ASS1: variants seen among roughly 807,000 people sequenced by gnomAD.
The protein encoded by ASS1 is argininosuccinate synthase 1, also known as argininosuccinate synthase.
A neutral mutation model predicts 60.5 loss-of-function variants in ASS1; 58 were observed. The ratio of observed to expected loss-of-function variants is 0.96; its 90% confidence interval spans 0.78 to 1.19. The LOEUF (loss-of-function observed/expected upper bound fraction) is 1.19. Among genes scored for constraint, ASS1 ranks in the 50% most tolerant of loss-of-function variants. The probability of loss-of-function intolerance (pLI) is 0.00; values close to 1 mark genes in which losing one functional copy is unlikely to be tolerated. For missense variants in ASS1, 454 were observed against 547.3 expected, an observed-to-expected ratio of 0.83 and a Z score of 1.70; for synonymous variants, 200 against 206.9, an observed-to-expected ratio of 0.97 and a Z score of 0.29.
In ASS1 at chr9:130,494,698, G is replaced by T. The variant is rs1356550166; in HGVS notation, c.971-169G>T. 6.6e-6 allele frequency among the ~76,000 whole-genome samples: 1 copy of T among 152,246 alleles called. No individual in the cohort carries two copies. Among genetic ancestry groups the T allele is most frequent in the South Asian group, 2.1e-4 (1 of 4,834 alleles). The stretch of plus-strand genomic sequence containing the variant: ...TTAGAGGGCAGGGCTATGAAAGCAT[G>T]GTCCTCAACTCAGCCACTGGCAAGC... On this transcript the variant is annotated intron_variant, in intron 12 of 14. Coordinates refer to ENST00000352480, the MANE Select transcript of ASS1 (RefSeq NM_054012.4). This position sits in a 1 kb window ranked among gnomAD's most constrained non-coding sequence, Gnocchi z 4.3.
At chr9:130,446,578 G>GTC (rs1456157946) in intron 1 of ASS1, among the ~76,000 whole-genome samples, 1 of 152,238 alleles carries the variant, frequency 6.6e-6, no homozygotes, top group Admixed American at 6.5e-5. Context: ...GGGCAGACAC[G>GTC]TCGTGAGAGG....
intron 7 of ASS1, 71 bp from the exon 8 acceptor site, chr9:130,471,414 G>T: frequency 6.4e-7 from 1 of 1,559,924 alleles, no homozygotes; most frequent in South Asian, 1.1e-5. Context: ...ACAATGGGGT[G>T]TGTGTGTTGG....
rs921844509 is a variant in ASS1, at chr9:130,476,636, G to GAT, written c.598-234_598-233dup. 5 of 596,084 alleles carry GAT rather than the reference G, an allele frequency of 8.4e-6. No homozygotes were observed. Among genetic ancestry groups the GAT allele is most frequent in the Middle Eastern group, 4.5e-4 (1 of 2,238 alleles). 36.9% of individuals were successfully genotyped at this position (596,084 alleles called of 1,614,324 possible). On this transcript the variant is annotated intron_variant, in intron 8 of 14. Coordinates refer to ENST00000352480, the MANE Select transcript of ASS1 (RefSeq NM_054012.4). The surrounding 1 kb of genome is among the most constrained non-coding windows in gnomAD (Gnocchi z 4.9). ...CAGCTGTGGGGGCGTCGAAGAAAAA[G>GAT]ATGAGATCAAGTTGAGGGGAAAAAT... is the stretch of plus-strand genomic sequence containing the variant.
intron 11 of ASS1, among the ~76,000 whole-genome samples, chr9:130,486,331 T>A (rs940069228): frequency 5.3e-5 from 8 of 152,052 alleles, no homozygotes; most frequent in Non-Finnish European, 1.2e-4. Flanking sequence ...GCTCAAGCAA[T>A]CCTCCCTCCT....
intron 4 of ASS1, among the ~76,000 whole-genome samples, chr9:130,460,163 C>A (rs1368325738): frequency 6.6e-6 from 1 of 152,152 alleles, no homozygotes; most frequent in Non-Finnish European, 1.5e-5. Flanking sequence ...GAAGTCCTGG[C>A]TCACTGTGGG....
intron 4 of ASS1, among the ~76,000 whole-genome samples, chr9:130,461,934 G>T (rs987976403): frequency 2.6e-5 from 4 of 152,210 alleles, no homozygotes; most frequent in African/African-American, 9.6e-5. Flanking sequence ...GATTGGCCTG[G>T]GATGTGAGGG....
chr9:130,490,389 C>T (rs1846421087), intron 12 of ASS1, among the ~76,000 whole-genome samples: 5 of 152,210 alleles, frequency 3.3e-5, no homozygotes. Context: ...TCTTGGCTCA[C>T]TGCAACCTCC....
At position 130,488,671 on chromosome 9, in the gene ASS1, C is replaced by A. The variant is rs977117704; in HGVS notation, c.839-662C>A. The stretch of plus-strand genomic sequence containing the variant: ...CTGACCTTCCAGGGTTGGGCCTCCA[C>A]GGCCAGGTGACTTACAGGGCAGCAG... On this transcript the variant is annotated intron_variant, in intron 11 of 14. Transcript: ENST00000352480. This position sits in a 1 kb window ranked among gnomAD's most constrained non-coding sequence, Gnocchi z 5.2. Among the ~76,000 whole-genome samples, 1 of 152,212 alleles carries A rather than the reference C, an allele frequency of 6.6e-6. No homozygotes were observed. Among genetic ancestry groups the A allele is most frequent in the Non-Finnish European group, 1.5e-5 (1 of 68,036 alleles).
intron 4 of ASS1, among the ~76,000 whole-genome samples, chr9:130,460,364 G>GT (rs1845559469): frequency 6.6e-6 from 1 of 152,258 alleles, no homozygotes; most frequent in African/African-American, 2.4e-5. Flanking sequence ...TCTGCTGGGA[G>GT]TTGGGTGCTT....
chr9:130,459,845 T>C lies in ASS1; in HGVS notation c.363+1256T>C, dbSNP rs1046282731. On this transcript the variant is annotated intron_variant, in intron 4 of 14. Transcript: ENST00000352480. The surrounding 1 kb of genome is among the most constrained non-coding windows in gnomAD (Gnocchi z 4.6). ...CACAAATCAACCCATCCCGTACCCC[T>C]TCCCTCCGGGCCGTGTGTCCCAGTG... Among the ~76,000 whole-genome samples, 15 of 152,324 alleles carry C rather than the reference T, an allele frequency of 9.8e-5. No individual in the cohort carries two copies. The highest frequency in any genetic ancestry group is 3.6e-4 in the African/African-American group (15 of 41,568).
rs1001779054 is a variant in ASS1, at chr9:130,478,530, C to A, written c.689-1186C>A. Among the ~76,000 whole-genome samples the A allele has an allele frequency of 7.2e-5, 11 of 152,222 alleles. No individual in the cohort carries two copies. The highest frequency in any genetic ancestry group is 1.2e-4 in the Non-Finnish European group (8 of 68,040). On this transcript the variant is annotated intron_variant, in intron 9 of 14. Transcript: ENST00000352480. The surrounding 1 kb of genome is among the most constrained non-coding windows in gnomAD (Gnocchi z 4.7). ...AGAAAAAAAGACCGGAGGAACCCTC[C>A]CCTGGCTAGTGCCCATTCACTCTCT...
intron 2 of ASS1, among the ~76,000 whole-genome samples, chr9:130,452,961 A>C (rs1258303839): frequency 6.6e-6 from 1 of 152,182 alleles, no homozygotes; most frequent in Non-Finnish European, 1.5e-5. Flanking sequence ...AACTCAAACC[A>C]ACTTACGCAA....
chr9:130,489,661 G>T lies in ASS1; in HGVS notation c.970+197G>T, dbSNP rs1007666308. On this transcript the variant is annotated intron_variant, in intron 12 of 14. Transcript: ENST00000352480. This position sits in a 1 kb window ranked among gnomAD's most constrained non-coding sequence, Gnocchi z 4.1. ...AGTGCAGGGCATGAGGGAGCAAGGGGATGCTAGAACCTGCCTTGCCATGGG... is the reference window on the plus strand; with the variant it reads ...AGTGCAGGGCATGAGGGAGCAAGGGTATGCTAGAACCTGCCTTGCCATGGG... Among the ~76,000 whole-genome samples the T allele has an allele frequency of 6.6e-6, 1 of 152,208 alleles. No homozygotes were observed. Among genetic ancestry groups the T allele is most frequent in the Non-Finnish European group, 1.5e-5 (1 of 68,024 alleles).
chr9:130,487,080 T>C (rs969642348), intron 11 of ASS1, among the ~76,000 whole-genome samples: 1 of 152,144 alleles, frequency 6.6e-6, no homozygotes, highest in Non-Finnish European at 1.5e-5. Context: ...AAAACTGGTG[T>C]GTGGGACTAG....
rs1846748453 is a variant in ASS1, at chr9:130,501,215, C to T, written c.*194C>T. ...TGTCATCGAAGGGAAGGGTGGGGGGCAGCTGCGGTGGGGAGCTATAAAAAT... is the reference window on the plus strand; with the variant it reads ...TGTCATCGAAGGGAAGGGTGGGGGGTAGCTGCGGTGGGGAGCTATAAAAAT... On this transcript the variant is annotated 3_prime_UTR_variant, in exon 15 of 15. Coordinates refer to ENST00000352480, the MANE Select transcript of ASS1 (RefSeq NM_054012.4). The T allele has an allele frequency of 3.2e-6, 2 of 619,530 alleles. No individual in the cohort carries two copies. The highest frequency in any genetic ancestry group is 4.4e-4 in the Middle Eastern group (1 of 2,250). 38.4% of individuals were successfully genotyped at this position (619,530 alleles called of 1,614,324 possible). A position where few individuals can be genotyped will look rare whatever the true frequency, so the allele number is the denominator to read the frequency against.
chr9:130,475,730 G>A (rs1845996433), intron 8 of ASS1, among the ~76,000 whole-genome samples: 1 of 148,496 alleles, frequency 6.7e-6, no homozygotes, highest in South Asian at 2.1e-4. Context: ...ATACGTGAAT[G>A]TGTGCAAGGT....
intron 8 of ASS1, among the ~76,000 whole-genome samples, chr9:130,474,351 C>A (rs1017105850): frequency 5.3e-5 from 8 of 152,230 alleles, no homozygotes; most frequent in Middle Eastern, 3.2e-3. Context: ...ATCCCCTCTC[C>A]TTCCAAATGC....
chr9:130,463,608 C>T (rs1020881165), intron 4 of ASS1, among the ~76,000 whole-genome samples: 1 of 152,172 alleles, frequency 6.6e-6, no homozygotes, highest in Non-Finnish European at 1.5e-5. Flanking sequence ...CCTAGTTCCA[C>T]CTCCTCCCTG....
At chr9:130,498,501 G>C (rs75060914) in intron 13 of ASS1, among the ~76,000 whole-genome samples, 2 of 152,182 alleles carry the variant, frequency 1.3e-5, no homozygotes, top group African/African-American at 4.8e-5. Flanking sequence ...CACCACTCTT[G>C]CTCTTCCTTC....
Sources: allele counts gnomAD v4.1 joint callset (sites outside exome capture counted in the v4.1 genomes callset), GRCh38; gene constraint gnomAD v4.1.1; non-coding constraint Gnocchi (gnomAD v3.1); transcripts MANE v1.5; gene names NCBI Gene and HGNC (gene_info 2026-07-23, HGNC 2026-07-21).